The following SWT1 variants were observed in gnomAD, a reference collection of about 807,000 sequenced individuals.
SWT1 encodes transcriptional protein SWT1.
Under a neutral mutation model 107.3 loss-of-function variants are expected in SWT1, and 33 were observed. The ratio of observed to expected loss-of-function variants is 0.31; its 90% CI spans 0.23 to 0.41. SWT1 has a LOEUF of 0.41. Among genes scored for constraint, SWT1 ranks in the 10% least tolerant of loss-of-function variants. The pLI, the probability that SWT1 is intolerant of heterozygous loss-of-function variation, is 1.00. For missense variants in SWT1, 898 were observed against 1,028.9 expected, an observed-to-expected ratio of 0.87 and a Z score of 1.74; for synonymous variants, 345 against 348.3, an observed-to-expected ratio of 0.99 and a Z score of 0.11.
chr1:185,228,277 T>C (rs1660248223), intron 15 of SWT1, among the ~76,000 whole-genome samples: 1 of 149,384 alleles, frequency 6.7e-6, no homozygotes, highest in Non-Finnish European at 1.5e-5. Context: ...TCCGAGCACT[T>C]TGGGAGGCTG....
At chr1:185,249,270 G>T (rs1157714237) in intron 16 of SWT1, among the ~76,000 whole-genome samples, 1 of 152,160 alleles carries the variant, frequency 6.6e-6, no homozygotes, top group African/African-American at 2.4e-5. Context: ...CATTGCCTCA[G>T]AAATCATATA....
chr1:185,190,054 G>A (rs1033700011), intron 9 of SWT1, among the ~76,000 whole-genome samples: 1 of 152,058 alleles, frequency 6.6e-6, no homozygotes, highest in Non-Finnish European at 1.5e-5. Flanking sequence ...TACCATGTTA[G>A]CCAGGCCGGT....
chr1:185,281,831 T>C (rs1664643128), intron 18 of SWT1: 1 of 152,790 alleles, frequency 6.5e-6, no homozygotes, highest in African/African-American at 2.4e-5. Flanking sequence ...AACATGTAGC[T>C]TTTAAAATTT....
intron 2 of SWT1, among the ~76,000 whole-genome samples, chr1:185,163,010 T>C (rs1363132849): frequency 2.6e-5 from 4 of 152,120 alleles, no homozygotes; most frequent in Admixed American, 6.5e-5. Context: ...AAAAAAATGC[T>C]AAAGATCATT....
At chr1:185,181,896 C>T (rs1380034042) in intron 6 of SWT1, 50 bp from the exon 7 acceptor site, 2 of 1,600,330 alleles carry the variant, frequency 1.2e-6, no homozygotes, top group Non-Finnish European at 1.7e-6. Context: ...CCTCTCTTGT[C>T]AGTCTGCAAA....
At chr1:185,236,564 TAACTC>T (rs1348981336) in intron 16 of SWT1, among the ~76,000 whole-genome samples, 2 of 152,060 alleles carry the variant, frequency 1.3e-5, no homozygotes, top group Admixed American at 1.3e-4. Flanking sequence ...ACACAAAAAT[TAACTC>T]AAGAGGGATT....
At chr1:185,239,118 A>C (rs941952572) in intron 16 of SWT1, among the ~76,000 whole-genome samples, 1 of 152,042 alleles carries the variant, frequency 6.6e-6, no homozygotes, top group Non-Finnish European at 1.5e-5. Flanking sequence ...TTGGCCTTTC[A>C]GTTAAAGAAG....
intron 16 of SWT1, chr1:185,262,385 C>T (rs956657843): frequency 6.6e-6 from 1 of 152,164 alleles, no homozygotes; most frequent in African/African-American, 2.4e-5. Flanking sequence ...AGATTATCAT[C>T]CAAGGAAGCA....
rs1209526683 is a variant in SWT1, at chr1:185,174,687, A to G, written c.540A>G (p.Arg180=). ...ENKWSHLLVQ[R]EKMKELKKGR... is the part of the protein sequence containing the mutation. ...AATGGTCTCATTTACTTGTTCAGAG[A>G]GAGAAGATGAAAGAACTCAAGAAAG... The change falls in exon 5 of 19, where the codon AGA becomes AGG. Residue 180 remains arginine (R), a synonymous_variant. Coordinates refer to ENST00000367500, the MANE Select transcript of SWT1 (RefSeq NM_017673.7). 1 of 1,613,828 alleles carries G rather than the reference A, an allele frequency of 6.2e-7. No homozygotes were observed.
At chr1:185,189,506 C>T (rs1055700107) in intron 9 of SWT1, among the ~76,000 whole-genome samples, 2 of 152,102 alleles carry the variant, frequency 1.3e-5, no homozygotes, top group Non-Finnish European at 2.9e-5. Context: ...AGAACAGTTG[C>T]TTATTAGTTC....
intron 14 of SWT1, among the ~76,000 whole-genome samples, chr1:185,217,078 G>A (rs1659279182): frequency 1.3e-5 from 2 of 152,164 alleles, no homozygotes; most frequent in South Asian, 2.1e-4. Flanking sequence ...AAAGAATCTA[G>A]CATCCTAATA....
Position 185,218,565 on chromosome 1 carries a change from C to T in SWT1, c.2122-3284C>T, listed in dbSNP as rs565942838. ...GCCTCAAGCAATCCTCCCGCCACAG[C>T]CTCCTAAAGTGCTAGGATTACACGC... On this transcript the variant is annotated intron_variant, in intron 14 of 18. Transcript: ENST00000367500. Among the ~76,000 whole-genome samples the T allele has an allele frequency of 3.9e-5, 6 of 152,252 alleles. No homozygotes were observed. In the South Asian group the frequency reaches 8.3e-4, roughly 21 times the overall value.
chr1:185,205,745 T>A (rs1658284416), intron 12 of SWT1, among the ~76,000 whole-genome samples: 1 of 152,134 alleles, frequency 6.6e-6, no homozygotes, highest in Non-Finnish European at 1.5e-5. Context: ...GCCAGAACGG[T>A]GCATTTGCTA....
At chr1:185,281,938 T>G (rs1309165381) in intron 18 of SWT1, 3 of 152,290 alleles carry the variant, frequency 2.0e-5, no homozygotes, top group Non-Finnish European at 4.4e-5. Flanking sequence ...AACCCTCTGC[T>G]TCTGGCCACC....
At chr1:185,174,232 T>C (rs1655342791) in intron 4 of SWT1, 140 bp from the exon 5 acceptor site, 18 of 611,998 alleles carry the variant, frequency 2.9e-5, no homozygotes, top group Non-Finnish European at 4.5e-5. Flanking sequence ...GAGTAATCCT[T>C]TCCACTTCAT....
chr1:185,172,052 G>T (rs1655119338), intron 4 of SWT1, among the ~76,000 whole-genome samples: 1 of 152,128 alleles, frequency 6.6e-6, no homozygotes, highest in Non-Finnish European at 1.5e-5. Flanking sequence ...CTCTTGCTGG[G>T]CTGTAACCTA....
At chr1:185,251,750 G>C (rs758467985) in intron 16 of SWT1, among the ~76,000 whole-genome samples, 1 of 150,982 alleles carries the variant, frequency 6.6e-6, no homozygotes, top group Non-Finnish European at 1.5e-5. Context: ...TATCCAATCA[G>C]ACAATTTGTT....
chr1:185,245,526 G>A (rs1017857421), intron 16 of SWT1, among the ~76,000 whole-genome samples: 7 of 152,080 alleles, frequency 4.6e-5, no homozygotes, highest in Admixed American at 2.6e-4. Flanking sequence ...GTATAGTAGA[G>A]TAAATATAGT....
chr1:185,269,373 G>GTTT (rs59417358), intron 16 of SWT1, among the ~76,000 whole-genome samples: 9 of 125,332 alleles, frequency 7.2e-5, no homozygotes, highest in African/African-American at 2.3e-4. Flanking sequence ...AGAGGTTTTT[G>GTTT]TTTTTTTTTT....
Sources: gnomAD v4.1 joint callset for allele counts (sites outside exome capture counted in the v4.1 genomes callset) on GRCh38, gnomAD v4.1.1 for gene constraint, MANE v1.5 for transcripts, NCBI Gene and HGNC (gene_info 2026-07-23, HGNC 2026-07-21) for gene names.